CCZ1: variants seen among roughly 807,000 people sequenced by gnomAD.
CCZ1 encodes the protein CCZ1 vacuolar protein trafficking and biogenesis associated, also known as vacuolar fusion protein CCZ1 homolog.
A neutral mutation model predicts 57.8 loss-of-function variants in CCZ1; 19 were observed. The observed-to-expected ratio is 0.33, with a 90% CI of 0.23 to 0.48. The LOEUF is 0.48. Ranked by LOEUF, CCZ1 falls within the 20% of genes least tolerant of loss-of-function variation. The probability of loss-of-function intolerance (pLI) is 0.99; values close to 1 mark genes in which losing one functional copy is unlikely to be tolerated. For synonymous variants in CCZ1, 81 were observed against 167.0 expected (o/e 0.49, Z 3.97); for missense variants, 200 against 492.0 (o/e 0.41, Z 5.61).
At chr7:5,904,860 A>C (rs932377286) in intron 6 of CCZ1, among the ~76,000 whole-genome samples, 8 of 148,192 alleles carry the variant, frequency 5.4e-5, no homozygotes, top group Non-Finnish European at 8.9e-5. Flanking sequence ...AGTAAAACAC[A>C]ATACTGAATA....
chr7:5,914,034 T>C (rs1409003673), intron 10 of CCZ1, among the ~76,000 whole-genome samples: 2 of 144,524 alleles, frequency 1.4e-5, no homozygotes, highest in African/African-American at 2.6e-5. Context: ...TCTGGTTCCC[T>C]CATTGTTAAA....
At chr7:5,907,922 C>G (rs1467444504) in intron 7 of CCZ1, among the ~76,000 whole-genome samples, 1 of 91,176 alleles carries the variant, frequency 1.1e-5, no homozygotes, top group Non-Finnish European at 2.1e-5. Flanking sequence ...CATAGTGAGA[C>G]TGTATCTACA....
At chr7:5,899,547 C>T (rs1216721569) in intron 1 of CCZ1, among the ~76,000 whole-genome samples, 1 of 122,346 alleles carries the variant, frequency 8.2e-6, no homozygotes. Context: ...TGCTTGAGGC[C>T]AGGGGTTCCA....
intron 12 of CCZ1, 76 bp downstream of exon 12, chr7:5,920,042 C>CGGGT: frequency 6.6e-7 from 1 of 1,519,110 alleles, no homozygotes; most frequent in Non-Finnish European, 9.0e-7. Context: ...CTTACAAATA[C>CGGGT]GGGTGGTATT....
chr7:5,911,594 C>A (rs1779034981), intron 8 of CCZ1, among the ~76,000 whole-genome samples: 1 of 148,840 alleles, frequency 6.7e-6, no homozygotes, highest in African/African-American at 2.5e-5. Context: ...CTCACCTGGC[C>A]AAAAATTTAA....
At chr7:5,906,187 C>A (rs998834657) in intron 7 of CCZ1, among the ~76,000 whole-genome samples, 3 of 148,158 alleles carry the variant, frequency 2.0e-5, no homozygotes, top group African/African-American at 5.0e-5. Context: ...GCATATGTGA[C>A]CCCTGAGAGC....
At chr7:5,925,435 C>T (rs201939985) in intron 14 of CCZ1, 197 bp from the exon 15 acceptor site, 1 of 480,408 alleles carries the variant, frequency 2.1e-6, no homozygotes, top group Non-Finnish European at 3.8e-6. Context: ...CCACTACACT[C>T]CAGCCTGGGT....
chr7:5,906,297 T>C (rs1410500574), intron 7 of CCZ1, among the ~76,000 whole-genome samples: 1 of 145,402 alleles, frequency 6.9e-6, no homozygotes, highest in Non-Finnish European at 1.5e-5. Flanking sequence ...TATGTTCCCG[T>C]TGACTAGAGC....
chr7:5,899,690 C>G (rs1030084924), intron 1 of CCZ1, among the ~76,000 whole-genome samples: 1 of 148,760 alleles, frequency 6.7e-6, no homozygotes, highest in Admixed American at 6.7e-5. Flanking sequence ...TCGCTTGAGC[C>G]CAAGTGATTG....
intron 7 of CCZ1, among the ~76,000 whole-genome samples, chr7:5,908,687 C>T (rs569221996): frequency 3.3e-4 from 49 of 146,548 alleles, no homozygotes; most frequent in Admixed American, 2.1e-3. Flanking sequence ...ACCACCTTCA[C>T]GGTATTTCAG....
chr7:5,919,278 A>T, intron 11 of CCZ1: 1 of 341,104 alleles, frequency 2.9e-6, no homozygotes, highest in Non-Finnish European at 5.6e-6. Flanking sequence ...GTGAGCCCCC[A>T]CACCCAGCCC....
intron 1 of CCZ1, among the ~76,000 whole-genome samples, chr7:5,899,476 G>A (rs1402114068): frequency 7.2e-6 from 1 of 139,578 alleles, no homozygotes; most frequent in African/African-American, 2.7e-5. Flanking sequence ...AGACTGTCCA[G>A]GCTGGGCGCT....
intron 7 of CCZ1, among the ~76,000 whole-genome samples, chr7:5,909,457 T>A (rs1781915100): frequency 6.7e-6 from 1 of 149,780 alleles, no homozygotes; most frequent in African/African-American, 2.5e-5. Context: ...ATCCCAGCAC[T>A]TTAGGAGGCT....
chr7:5,908,137 A>T (rs1781878948), intron 7 of CCZ1, among the ~76,000 whole-genome samples: 1 of 143,086 alleles, frequency 7.0e-6, no homozygotes. Flanking sequence ...GTTTTGACGG[A>T]ATTGCTTATT....
chr7:5,903,656 C>G (rs1457807114), intron 6 of CCZ1, among the ~76,000 whole-genome samples: 1 of 143,428 alleles, frequency 7.0e-6, no homozygotes, highest in African/African-American at 2.7e-5. Context: ...ATGGATAGAA[C>G]TGTTGTCCTG....
rs746151502 is a variant in CCZ1 at position 5,900,525 on chromosome 7, C to G, written c.271C>G (p.Gln91Glu). 6.2e-7 allele frequency: 1 copy of G among 1,602,466 alleles called. No individual in the cohort carries two copies. The highest frequency in any genetic ancestry group is 1.4e-5 in the African/African-American group (1 of 72,916). The part of the protein sequence containing the change: ...AKSLHTQKNR[Q>E]FFNEPEENFW... ...ATCTTTACATACACAGAAGAACAGA[C>G]AGTTCTTCAATGAACCAGAAGAAAA... Residue 91 changes from glutamine to glutamate, a missense_variant, in exon 3 of 15, where the codon CAG becomes GAG. Around this residue, in one of 5 missense-constraint regions of CCZ1, gnomAD observed 44 missense variants for 122.8 expected, o/e 0.36. Coordinates refer to ENST00000325974, the MANE Select transcript of CCZ1 (RefSeq NM_015622.6).
At chr7:5,912,045 C>T in intron 9 of CCZ1, 123 bp downstream of exon 9, 1 of 1,581,132 alleles carries the variant, frequency 6.3e-7, no homozygotes, top group South Asian at 1.1e-5. Flanking sequence ...CCTCCGCCTC[C>T]CCGGGCTCAA....
At chr7:5,903,920 C>G (rs768032451) in intron 6 of CCZ1, among the ~76,000 whole-genome samples, 5 of 141,290 alleles carry the variant, frequency 3.5e-5, no homozygotes, top group Non-Finnish European at 4.5e-5. Flanking sequence ...GCTTGAACCC[C>G]GGAGGCGAGG....
chr7:5,901,695 C>G lies in CCZ1; in HGVS notation c.429C>G (p.Ser143Arg). 6.3e-7 allele frequency: 1 copy of G among 1,598,830 alleles called. No individual in the cohort carries two copies. The highest frequency in any genetic ancestry group is 8.5e-7 in the Non-Finnish European group (1 of 1,176,824). The change falls in exon 5 of 15, where the codon AGC (serine) becomes AGG (arginine). Residue 143 changes from serine (S) to arginine (R), a missense_variant. Ser to Arg is a moderately radical substitution (Grantham distance 110). This residue lies in a region of CCZ1 where 128 missense variants were observed against 178.4 expected (regional missense o/e 0.72). Coordinates refer to ENST00000325974, the MANE Select transcript of CCZ1 (RefSeq NM_015622.6). ...GCTCGGTGCTGCGGCAGTGCTACAG[C>G]ATGTACAAGGTAAGCGTGGCGTTCT... ...VYSSVLRQCY[S>R]MYKLFNGTFL...
Sources: allele counts gnomAD v4.1 joint callset (sites outside exome capture counted in the v4.1 genomes callset), GRCh38; gene constraint gnomAD v4.1.1; regional missense constraint gnomAD v4.1.1; transcripts MANE v1.5; gene names NCBI Gene and HGNC (gene_info 2026-07-23, HGNC 2026-07-21).